Variants in CDH22 observed in about 807,000 individuals in gnomAD.
CDH22 encodes the protein cadherin 22, also known as cadherin-22.
Under a neutral mutation model 58.4 loss-of-function variants are expected in CDH22, and 30 were observed. The observed-to-expected ratio is 0.51, with a 90% CI of 0.38 to 0.70. The LOEUF (loss-of-function observed/expected upper bound fraction) is 0.70, where lower values mean the gene tolerates loss of function less well. Ranked by LOEUF, CDH22 falls within the 30% of genes least tolerant of loss-of-function variation. The pLI is 0.00. For synonymous variants in CDH22, 513 were observed against 558.2 expected, an observed-to-expected ratio of 0.92 and a Z score of 1.14; for missense variants, 1,014 against 1,233.9, an observed-to-expected ratio of 0.82 and a Z score of 2.67.
At chr20:46,224,648 A>C (rs2086158422) in intron 4 of CDH22, among the ~76,000 whole-genome samples, 1 of 151,462 alleles carries the variant, frequency 6.6e-6, no homozygotes, top group African/African-American at 2.4e-5. Context: ...CTTAATTTAC[A>C]CTCCTCCTGT....
intron 1 of CDH22, among the ~76,000 whole-genome samples, chr20:46,286,323 C>G (rs952926474): frequency 6.6e-6 from 1 of 152,116 alleles, no homozygotes; most frequent in Non-Finnish European, 1.5e-5. Flanking sequence ...GAGTCGAGGT[C>G]CAAATCTGAC....
In CDH22 at chr20:46,174,532, C is replaced by A. The variant is rs1230461125; in HGVS notation, c.2461G>T (p.Gly821Trp). ...TAGGAGGCCTGGGCCTCGTCGTCCC[C>A]GCGGTGGCCGGCGTAGAGCGCGGCC... ...PLAALYAGHR[G>W]DDEAQAS Residue 821 changes from glycine to tryptophan, a missense_variant, in exon 12 of 12, where the codon GGG becomes TGG. This residue lies in a region of CDH22 where 208 missense variants were observed against 195.2 expected (regional missense o/e 1.07). Transcript: ENST00000537909. This position sits in a 1 kb window ranked among gnomAD's most constrained non-coding sequence, Gnocchi z 4.4. The A allele has an allele frequency of 6.6e-7, 1 of 1,517,664 alleles. No homozygotes were observed. Among genetic ancestry groups the A allele is most frequent in the Non-Finnish European group, 8.8e-7 (1 of 1,139,192 alleles). 94.0% of individuals were successfully genotyped at this position (1,517,664 alleles called of 1,614,324 possible).
In CDH22 at chr20:46,251,636, G is replaced by A. The variant is rs936334070; in HGVS notation, c.-342C>T. 5.1e-6 allele frequency: 1 copy of A among 195,404 alleles called. No individual in the cohort carries two copies. Among genetic ancestry groups the A allele is most frequent in the African/African-American group, 2.3e-5 (1 of 42,894 alleles). The allele number at this position is 195,404 out of a possible 1,614,324, so 12.1% of individuals were successfully genotyped here. A position where few individuals can be genotyped will look rare whatever the true frequency, so the allele number is the denominator to read the frequency against. ...GCCATGGTTCCTGCGCAGAAAGGAT[G>A]CGGGTTGGGGCCGGCAGATCCTGCC... is the stretch of plus-strand genomic sequence containing the variant. On this transcript the variant is annotated 5_prime_UTR_variant, in exon 2 of 12. Transcript: ENST00000537909. This position sits in a 1 kb window ranked among gnomAD's most constrained non-coding sequence, Gnocchi z 6.7.
chr20:46,222,775 C>G (rs1258108099), intron 4 of CDH22, among the ~76,000 whole-genome samples: 1 of 152,254 alleles, frequency 6.6e-6, no homozygotes, highest in East Asian at 1.9e-4. Flanking sequence ...GCTGGCAGGC[C>G]TGGCCTTTAA....
In CDH22 at chr20:46,173,751, C is replaced by T. The variant is rs1034270167; in HGVS notation, c.*755G>A. The T allele has an allele frequency of 1.3e-5, 2 of 152,340 alleles. No individual in the cohort carries two copies. The highest frequency in any genetic ancestry group is 2.9e-5 in the Non-Finnish European group (2 of 68,068). The allele number at this position is 152,340 out of a possible 1,614,324, so 9.4% of individuals were successfully genotyped here. A position where few individuals can be genotyped will look rare whatever the true frequency, so the allele number is the denominator to read the frequency against. ...ACAAAGATAAGAATAGTAACAAAGGCTAGCATTTATTGAACACCTACTATG... is the reference window on the plus strand; with the variant it reads ...ACAAAGATAAGAATAGTAACAAAGGTTAGCATTTATTGAACACCTACTATG... On this transcript the variant is annotated 3_prime_UTR_variant, in exon 12 of 12. Transcript: ENST00000537909.
chr20:46,220,354 A>G (rs929342571), intron 4 of CDH22: 3 of 150,708 alleles, frequency 2.0e-5, no homozygotes, highest in African/African-American at 7.3e-5. Flanking sequence ...AGACATACAG[A>G]AAACAGAGAG....
chr20:46,181,809 TTTCCTTTCTTTC>T (rs1040822498), intron 10 of CDH22, among the ~76,000 whole-genome samples: 1 of 146,370 alleles, frequency 6.8e-6, no homozygotes, highest in Non-Finnish European at 1.5e-5. Context: ...TCTCTTTCTC[TTTCCTTTCTTTC>T]TTCCTTTCTT....
intron 3 of CDH22, among the ~76,000 whole-genome samples, chr20:46,234,817 C>T (rs62214485): frequency 0.014 from 2,115 of 152,300 alleles, 26 homozygotes; most frequent in Non-Finnish European, 0.018. Flanking sequence ...GCACAAGAGA[C>T]GAAACTGATC....
At chr20:46,206,857 C>A (rs1329304248) in intron 7 of CDH22, among the ~76,000 whole-genome samples, 2 of 152,214 alleles carry the variant, frequency 1.3e-5, no homozygotes, top group African/African-American at 4.8e-5. Flanking sequence ...GGGCACAACT[C>A]AATGCGGAGT....
At chr20:46,195,729 T>G (rs999337972) in intron 8 of CDH22, among the ~76,000 whole-genome samples, 1 of 151,980 alleles carries the variant, frequency 6.6e-6, no homozygotes, top group Non-Finnish European at 1.5e-5. Flanking sequence ...TATTTCATGA[T>G]TACAAAACGT....
intron 6 of CDH22, among the ~76,000 whole-genome samples, chr20:46,211,297 C>T (rs1240863780): frequency 6.6e-6 from 1 of 152,102 alleles, no homozygotes; most frequent in Non-Finnish European, 1.5e-5. Context: ...GGTGGGGGAG[C>T]GATCTGATTG....
intron 1 of CDH22, among the ~76,000 whole-genome samples, chr20:46,252,052 C>T (rs538465192): frequency 3.3e-5 from 5 of 152,106 alleles, no homozygotes; most frequent in South Asian, 4.2e-4. Flanking sequence ...CCCTGCCCAG[C>T]CCCCAGAAAT....
intron 4 of CDH22, among the ~76,000 whole-genome samples, chr20:46,222,675 C>T (rs2086135542): frequency 6.6e-6 from 1 of 152,248 alleles, no homozygotes; most frequent in African/African-American, 2.4e-5. Flanking sequence ...CCCCTGCTGT[C>T]CCCTCCAAAT....
At chr20:46,242,958 C>T (rs2086302674) in intron 2 of CDH22, among the ~76,000 whole-genome samples, 1 of 152,204 alleles carries the variant, frequency 6.6e-6, no homozygotes, top group Non-Finnish European at 1.5e-5. Context: ...CGTCTGTTTT[C>T]TTGCAATCAG....
rs74176856 is a variant in CDH22, at chr20:46,223,629, TTTTC to T, written c.670+3875_670+3878del. 3.3e-3 allele frequency among the ~76,000 whole-genome samples: 481 copies of T among 145,408 alleles called. 2 individuals are homozygous for T. Among genetic ancestry groups the T allele is most frequent in the Middle Eastern group, 0.011 (3 of 284 alleles). Reference sequence around the variant, plus strand: ...ATTTCTTTCTTTTTCTTTCTTTCTTTTTTCTTTCTTTCTTTCTTTCTCTTTCTTT... The same window carrying T: ...ATTTCTTTCTTTTTCTTTCTTTCTTTTTTCTTTCTTTCTTTCTCTTTCTTT... On this transcript the variant is annotated intron_variant, in intron 4 of 11. Transcript: ENST00000537909.
rs371935785 is a variant in CDH22, at chr20:46,186,908, C to T, written c.1463G>A (p.Arg488Gln). ...GGGATTGTCGTTCACATCCAGGATT[C>T]GGATCCTTAGGGATGCCCGGGATAG... Reference protein sequence around the residue: ...AQLSRASLRIRILDVNDNPPE... With the variant: ...AQLSRASLRIQILDVNDNPPE... The change falls in exon 9 of 12, where the codon CGA becomes CAA. Residue 488 changes from arginine to glutamine, a missense_variant. Arg to Gln is a conservative substitution (Grantham distance 43). This residue lies in a region of CDH22 where 806 missense variants were observed against 1,038.7 expected (regional missense o/e 0.78). Coordinates refer to ENST00000537909, the MANE Select transcript of CDH22 (RefSeq NM_021248.3). 21 of 1,610,956 alleles carry T rather than the reference C, an allele frequency of 1.3e-5. No individual in the cohort carries two copies. The highest frequency in any genetic ancestry group is 6.7e-5 in the Admixed American group (4 of 59,696).
In CDH22 at chr20:46,251,905, T is replaced by G. The variant is rs1231791701; in HGVS notation, c.-399-212A>C. Among the ~76,000 whole-genome samples the G allele has an allele frequency of 2.0e-5, 3 of 151,904 alleles. No homozygotes were observed. Among genetic ancestry groups the G allele is most frequent in the Admixed American group, 2.0e-4 (3 of 15,248 alleles). ...CTCTCCCGCACATCGCAGCCTCTCC[T>G]TTCACCTGGCATCATACGCCCTGTA... On this transcript the variant is annotated intron_variant, in intron 1 of 11. Transcript: ENST00000537909. This position sits in a 1 kb window ranked among gnomAD's most constrained non-coding sequence, Gnocchi z 6.7.
intron 1 of CDH22, among the ~76,000 whole-genome samples, chr20:46,278,383 G>A (rs939363596): frequency 6.6e-6 from 1 of 152,134 alleles, no homozygotes; most frequent in African/African-American, 2.4e-5. Context: ...TCTCCTTAAA[G>A]GTTGTTTCAG....
rs897610659 is a variant in CDH22 at position 46,308,420 on chromosome 20, T to G, written c.-565A>C. 2.0e-5 allele frequency: 4 copies of G among 202,408 alleles called. No homozygotes were observed. Among genetic ancestry groups the G allele is most frequent in the East Asian group, 9.4e-5 (1 of 10,594 alleles). 12.5% of individuals were successfully genotyped at this position (202,408 alleles called of 1,614,324 possible). A position where few individuals can be genotyped will look rare whatever the true frequency, so the allele number is the denominator to read the frequency against. On this transcript the variant is annotated 5_prime_UTR_variant, in exon 1 of 12. Transcript: ENST00000537909. This position sits in a 1 kb window ranked among gnomAD's most constrained non-coding sequence, Gnocchi z 4.3. ...GGAGCCGCGGCGGCGTGTGCGCGCG[T>G]GTGTGTGAGCGAGAGAGCGAGAGAG... is the stretch of plus-strand genomic sequence containing the variant.
Sources: gnomAD v4.1 joint callset for allele counts (sites outside exome capture counted in the v4.1 genomes callset) on GRCh38, gnomAD v4.1.1 for gene constraint, gnomAD v4.1.1 regional missense constraint, Gnocchi (gnomAD v3.1) non-coding constraint, MANE v1.5 for transcripts, NCBI Gene and HGNC (gene_info 2026-07-23, HGNC 2026-07-21) for gene names.